Variants in EPHA6 observed in about 807,000 individuals in gnomAD.
EPHA6 encodes the protein EPH receptor A6.
A neutral mutation model predicts 112.0 loss-of-function variants in EPHA6; 50 were observed. The observed-to-expected ratio is 0.45, with a 90% CI of 0.36 to 0.56. The LOEUF (loss-of-function observed/expected upper bound fraction) is 0.56. Ranked by LOEUF, EPHA6 falls within the 20% of genes least tolerant of loss-of-function variation. The probability of loss-of-function intolerance (pLI) is 0.00; values close to 1 mark genes in which losing one functional copy is unlikely to be tolerated. For synonymous variants in EPHA6, 529 were observed against 490.7 expected, an observed-to-expected ratio of 1.08 and a Z score of -1.03; for missense variants, 1,280 against 1,417.4, an observed-to-expected ratio of 0.90 and a Z score of 1.56.
At chr3:96,835,250 A>G (rs921079942) in intron 1 of EPHA6, among the ~76,000 whole-genome samples, 3 of 152,118 alleles carry the variant, frequency 2.0e-5, no homozygotes, top group African/African-American at 7.2e-5. Context: ...TTTACTGTTT[A>G]ATACAAAGAG....
chr3:97,745,243 T>C (rs906147240), intron 16 of EPHA6: 3 of 302,770 alleles, frequency 9.9e-6, no homozygotes, highest in Admixed American at 4.8e-5. Context: ...TTTACAATAT[T>C]GATTAACATA....
chr3:97,599,479 A>G (rs1342041719), intron 12 of EPHA6, among the ~76,000 whole-genome samples: 2 of 143,532 alleles, frequency 1.4e-5, no homozygotes, highest in South Asian at 2.4e-4. Context: ...TCAGCTTTCT[A>G]CATATGGCTA....
At chr3:97,059,295 T>G (rs988709684) in intron 3 of EPHA6, among the ~76,000 whole-genome samples, 10 of 152,082 alleles carry the variant, frequency 6.6e-5, no homozygotes, top group Non-Finnish European at 1.3e-4. Context: ...ACCAGCTGCC[T>G]CAAAGGAAAA....
chr3:97,377,018 C>G (rs1228338261), intron 5 of EPHA6, among the ~76,000 whole-genome samples: 1 of 152,156 alleles, frequency 6.6e-6, no homozygotes, highest in Non-Finnish European at 1.5e-5. Flanking sequence ...GAAAGTGGAA[C>G]AAATATGATT....
At chr3:97,303,583 TG>T (rs1326072646) in intron 5 of EPHA6, among the ~76,000 whole-genome samples, 2 of 151,948 alleles carry the variant, frequency 1.3e-5, no homozygotes, top group African/African-American at 4.8e-5. Flanking sequence ...TACCAAAATA[TG>T]TATTGGTACC....
chr3:96,906,122 C>A (rs1399597292), intron 2 of EPHA6, among the ~76,000 whole-genome samples: 2 of 151,992 alleles, frequency 1.3e-5, no homozygotes, highest in Non-Finnish European at 2.9e-5. Context: ...TGTTCTTTTT[C>A]TTTTCCTGTT....
At chr3:96,852,546 G>C (rs2035455277) in intron 1 of EPHA6, among the ~76,000 whole-genome samples, 1 of 150,612 alleles carries the variant, frequency 6.6e-6, no homozygotes, top group African/African-American at 2.4e-5. Flanking sequence ...CAGTTACCTT[G>C]GTTTTCAGAA....
chr3:97,605,393 T>C (rs543213742), intron 12 of EPHA6, among the ~76,000 whole-genome samples: 3 of 151,800 alleles, frequency 2.0e-5, no homozygotes, highest in African/African-American at 7.2e-5. Flanking sequence ...GTTCTTACAT[T>C]TAAATCTTTA....
At chr3:97,252,315 ACCAGTGGTCTT>A (rs2108599765) in intron 5 of EPHA6, among the ~76,000 whole-genome samples, 1 of 152,258 alleles carries the variant, frequency 6.6e-6, no homozygotes, top group East Asian at 1.9e-4. Context: ...ATGGGAGACC[ACCAGTGGTCTT>A]CAAATCTCCT....
intron 3 of EPHA6, among the ~76,000 whole-genome samples, chr3:97,178,515 G>T (rs1580838): frequency 0.22 from 32,784 of 151,870 alleles, 4,605 homozygotes; most frequent in Non-Finnish European, 0.31. Flanking sequence ...GCTCCCTTTA[G>T]CATTTCTTGT....
intron 3 of EPHA6, among the ~76,000 whole-genome samples, chr3:97,113,959 A>T (rs1408051404): frequency 6.6e-6 from 1 of 152,126 alleles, no homozygotes; most frequent in African/African-American, 2.4e-5. Context: ...CCTGTCCTGA[A>T]TTACAGCAGA....
intron 1 of EPHA6, among the ~76,000 whole-genome samples, chr3:96,836,878 CATAG>C (rs1285726611): frequency 2.0e-5 from 3 of 152,116 alleles, no homozygotes; most frequent in South Asian, 4.1e-4. Flanking sequence ...TACCATTCTG[CATAG>C]ATAAACACAC....
intron 1 of EPHA6, among the ~76,000 whole-genome samples, chr3:96,828,391 C>G (rs989222872): frequency 2.0e-5 from 3 of 152,070 alleles, no homozygotes; most frequent in Non-Finnish European, 4.4e-5. Flanking sequence ...TAAAAAACTA[C>G]CTATGTGTCC....
In EPHA6 at chr3:97,231,962, A is replaced by G. The variant is rs191031689; in HGVS notation, c.1270+5543A>G. Among the ~76,000 whole-genome samples, 481 of 152,248 alleles carry G rather than the reference A, an allele frequency of 3.2e-3. 2 individuals carry two copies. Among genetic ancestry groups the G allele is most frequent in the Non-Finnish European group, 5.5e-3 (372 of 68,010 alleles). ...AAACAAATAAAGAAACTTCAGAGAA[A>G]TCTCCTATTTGTGCTGTGGGAATGA... is the stretch of plus-strand genomic sequence containing the variant. On this transcript the variant is annotated intron_variant, in intron 4 of 17. Coordinates refer to ENST00000389672, the MANE Select transcript of EPHA6 (RefSeq NM_001080448.3).
chr3:97,237,496 G>A (rs1351317232), intron 4 of EPHA6, among the ~76,000 whole-genome samples: 1 of 151,922 alleles, frequency 6.6e-6, no homozygotes, highest in South Asian at 2.1e-4. Flanking sequence ...GGAGAATCGA[G>A]TTACCACTTG....
chr3:97,620,069 A>G (rs887506015), intron 13 of EPHA6, among the ~76,000 whole-genome samples: 1 of 152,118 alleles, frequency 6.6e-6, no homozygotes, highest in African/African-American at 2.4e-5. Context: ...AAGAACAGAC[A>G]CATAGACCAG....
intron 11 of EPHA6, chr3:97,590,255 A>G (rs1446385603): frequency 6.6e-6 from 1 of 152,204 alleles, no homozygotes; most frequent in Non-Finnish European, 1.5e-5. Flanking sequence ...AGATGCCACA[A>G]TAGATGAAAG....
intron 11 of EPHA6, among the ~76,000 whole-genome samples, chr3:97,564,016 C>T (rs1463370129): frequency 6.6e-6 from 1 of 151,988 alleles, no homozygotes; most frequent in East Asian, 1.9e-4. Flanking sequence ...AATAAAGGGA[C>T]ATGAAATGTT....
intron 5 of EPHA6, among the ~76,000 whole-genome samples, chr3:97,251,285 C>T (rs1177592740): frequency 2.6e-5 from 4 of 151,988 alleles, no homozygotes; most frequent in Non-Finnish European, 5.9e-5. Flanking sequence ...AATCTCAGCA[C>T]TTTGGGAGGC....
Sources: gnomAD v4.1 joint callset for allele counts (sites outside exome capture counted in the v4.1 genomes callset) on GRCh38, gnomAD v4.1.1 for gene constraint, MANE v1.5 for transcripts, NCBI Gene and HGNC (gene_info 2026-07-23, HGNC 2026-07-21) for gene names.